Variants in MLXIP observed in about 807,000 individuals in gnomAD.
The protein encoded by MLXIP is MLX interacting protein.
Under a neutral mutation model 87.2 loss-of-function variants are expected in MLXIP, and 30 were observed. The observed-to-expected ratio is 0.34, with a 90% CI of 0.26 to 0.47. MLXIP has a LOEUF of 0.47. Among genes scored for constraint, MLXIP ranks in the 20% least tolerant of loss-of-function variants. MLXIP has a pLI of 1.00. For synonymous variants in MLXIP, 530 were observed against 514.0 expected (o/e 1.03, Z -0.42); for missense variants, 1,002 against 1,240.1 (o/e 0.81, Z 2.88).
At chr12:122,091,626 G>A (rs1226484713) in intron 1 of MLXIP, among the ~76,000 whole-genome samples, 2 of 152,204 alleles carry the variant, frequency 1.3e-5, no homozygotes, top group Non-Finnish European at 2.9e-5. Context: ...CAGGAAATAG[G>A]ATATCTGTAA....
At chr12:122,091,761 C>T (rs148525445) in intron 1 of MLXIP, among the ~76,000 whole-genome samples, 73 of 152,198 alleles carry the variant, frequency 4.8e-4, no homozygotes, top group African/African-American at 1.3e-3. Flanking sequence ...CAATGACAGG[C>T]GGTAGGGAGT....
At chr12:122,134,981 C>T (rs998944150) in intron 9 of MLXIP, 35 of 469,220 alleles carry the variant, frequency 7.5e-5, no homozygotes, top group Non-Finnish European at 3.2e-5. Context: ...GCCTCTCTAT[C>T]TTTTTTTTAA....
chr12:122,089,182 A>G (rs1313992718), intron 1 of MLXIP, among the ~76,000 whole-genome samples: 1 of 152,080 alleles, frequency 6.6e-6, no homozygotes, highest in East Asian at 1.9e-4. Flanking sequence ...CCTGTCTCAA[A>G]CAAGCAAACA....
chr12:122,093,275 C>T (rs1378520263), intron 1 of MLXIP, among the ~76,000 whole-genome samples: 1 of 117,410 alleles, frequency 8.5e-6, no homozygotes, highest in Admixed American at 9.0e-5. Flanking sequence ...GTGGGGTGTG[C>T]ATTTGTGCTG....
intron 1 of MLXIP, among the ~76,000 whole-genome samples, chr12:122,085,538 G>C (rs1565955428): frequency 1.3e-5 from 2 of 152,082 alleles, no homozygotes; most frequent in Non-Finnish European, 2.9e-5. Context: ...TGAGTAGCTG[G>C]GATTACAGGC....
Position 122,135,168 on chromosome 12 carries a change from G to T in MLXIP, c.1733-56G>T. 6.3e-7 allele frequency: 1 copy of T among 1,597,716 alleles called. No individual in the cohort carries two copies. Among genetic ancestry groups the T allele is most frequent in the Non-Finnish European group, 8.5e-7 (1 of 1,172,734 alleles). On this transcript the variant is annotated intron_variant, in intron 9 of 16. Coordinates refer to ENST00000319080, the MANE Select transcript of MLXIP (RefSeq NM_014938.6). This position sits in a 1 kb window ranked among gnomAD's most constrained non-coding sequence, Gnocchi z 5.3. ...CTGGCAGAGAGGCAGCCTCTGCAGG[G>T]TGGGCCAGGCCCTGTGGCCCAGGGC...
rs374619119 is a variant in MLXIP at position 122,129,958 on chromosome 12, T to C, written c.756T>C (p.Tyr252=). ...SSLVQDDDML[Y]WHKHGDGWKT... is the part of the protein sequence containing the mutation. ...TGTGTTAGGACGATGACATGCTGTA[T>C]TGGCACAAGCACGGGGATGGATGGA... The change falls in exon 6 of 17, where the codon TAT becomes TAC. Residue 252 remains tyrosine, a synonymous_variant. Coordinates refer to ENST00000319080, the MANE Select transcript of MLXIP (RefSeq NM_014938.6). 10 of 1,613,514 alleles carry C rather than the reference T, an allele frequency of 6.2e-6. No individual in the cohort carries two copies. Among genetic ancestry groups the C allele is most frequent in the African/African-American group, 2.7e-5 (2 of 75,030 alleles).
In MLXIP at chr12:122,145,050, G is replaced by A. The variant is rs1953276058; in HGVS notation, c.*3238G>A. The A allele has an allele frequency of 6.6e-6, 1 of 152,332 alleles. No individual in the cohort carries two copies. The highest frequency in any genetic ancestry group is 1.5e-5 in the Non-Finnish European group (1 of 68,106). The allele number at this position is 152,332 out of a possible 1,614,324, so 9.4% of individuals were successfully genotyped here. ...GGTGGGAGACCCCAGAGCGGGGCAG[G>A]CGCCACTGAGGGCTTTTCTTGGAGT... On this transcript the variant is annotated 3_prime_UTR_variant, in exon 17 of 17. Transcript: ENST00000319080.
rs1953301364 is a variant in MLXIP at position 122,146,411 on chromosome 12, T to A, written c.*4599T>A. On this transcript the variant is annotated 3_prime_UTR_variant, in exon 17 of 17. Coordinates refer to ENST00000319080, the MANE Select transcript of MLXIP (RefSeq NM_014938.6). Reference sequence around the variant, plus strand: ...AGCTTGGCAAGGGCTCCAGGAACGCTGACGAAGGGTTTTAGGACCCCCACC... The same window carrying A: ...AGCTTGGCAAGGGCTCCAGGAACGCAGACGAAGGGTTTTAGGACCCCCACC... 6.6e-6 allele frequency: 1 copy of A among 152,388 alleles called. No homozygotes were observed. Among genetic ancestry groups the A allele is most frequent in the Non-Finnish European group, 1.5e-5 (1 of 68,242 alleles). The allele number at this position is 152,388 out of a possible 1,614,324, so 9.4% of individuals were successfully genotyped here.
intron 7 of MLXIP, among the ~76,000 whole-genome samples, chr12:122,131,979 A>G (rs919043360): frequency 8.0e-6 from 1 of 125,758 alleles, no homozygotes; most frequent in Admixed American, 1.1e-4. Context: ...GCTGGAGTGC[A>G]GTGGTGCGAT....
intron 1 of MLXIP, among the ~76,000 whole-genome samples, chr12:122,102,341 T>C (rs1001977517): frequency 2.0e-5 from 3 of 152,140 alleles, no homozygotes; most frequent in Non-Finnish European, 4.4e-5. Context: ...TGAAAAGATG[T>C]TTAATACCAT....
chr12:122,091,088 G>A (rs1952239401), intron 1 of MLXIP, among the ~76,000 whole-genome samples: 1 of 152,028 alleles, frequency 6.6e-6, no homozygotes, highest in African/African-American at 2.4e-5. Context: ...ACTTTTAAAG[G>A]GTCACTTTGA....
At position 122,130,980 on chromosome 12, in the gene MLXIP, G is replaced by A. The variant is rs746145643; in HGVS notation, c.1000+47G>A. ...AGCACGGTTGCCTCCATCTCCCCCAGCCCAGCACAGAGCAGATCGCTGCCT... is the reference window on the plus strand; with the variant it reads ...AGCACGGTTGCCTCCATCTCCCCCAACCCAGCACAGAGCAGATCGCTGCCT... On this transcript the variant is annotated intron_variant, in intron 7 of 16. Coordinates refer to ENST00000319080, the MANE Select transcript of MLXIP (RefSeq NM_014938.6). The A allele has an allele frequency of 2.4e-6, 3 of 1,249,440 alleles. No individual in the cohort carries two copies. In the East Asian group the frequency reaches 7.0e-5, roughly 29 times the overall value. The allele number at this position is 1,249,440 out of a possible 1,614,324, so 77.4% of individuals were successfully genotyped here.
At chr12:122,129,413 T>C (rs1423718773) in intron 4 of MLXIP, 175 bp from the exon 5 acceptor site, 1 of 393,532 alleles carries the variant, frequency 2.5e-6, no homozygotes, top group East Asian at 1.6e-4. Flanking sequence ...AGGTTGTCTT[T>C]GCTCTCAGTT....
chr12:122,131,970 CTGG>C (rs1952989067), intron 7 of MLXIP, among the ~76,000 whole-genome samples: 1 of 126,282 alleles, frequency 7.9e-6, no homozygotes, highest in Non-Finnish European at 1.6e-5. Context: ...TGTCATCAGG[CTGG>C]AGTGCAGTGG....
At chr12:122,117,414 G>C (rs1214678496) in intron 1 of MLXIP, among the ~76,000 whole-genome samples, 2 of 152,178 alleles carry the variant, frequency 1.3e-5, no homozygotes, top group Admixed American at 1.3e-4. Context: ...TGTTAGCTTT[G>C]GCTGCTGGCA....
Position 122,079,043 on chromosome 12 carries a change from G to C in MLXIP, c.190G>C (p.Gly64Arg). The C allele has an allele frequency of 2.0e-6, 3 of 1,476,030 alleles. No homozygotes were observed. Among genetic ancestry groups the C allele is most frequent in the East Asian group, 5.9e-5 (2 of 34,014 alleles). The allele number at this position is 1,476,030 out of a possible 1,614,324, so 91.4% of individuals were successfully genotyped here. ...ASAAPPPPRAGPGREEPPRRQ... is the reference protein window; with the variant it reads ...ASAAPPPPRARPGREEPPRRQ... The stretch of plus-strand genomic sequence containing the variant: ...CGCCGCGCCACCGCCGCCTCGGGCC[G>C]GGCCGGGCCGCGAGGAACCTCCGCG... Residue 64 changes from glycine to arginine, a missense_variant, in exon 1 of 17, where the codon GGG (glycine) becomes CGG (arginine). By Grantham distance (125) the Gly-to-Arg change is moderately radical. Around this residue, in one of 3 missense-constraint regions of MLXIP, gnomAD observed 129 missense variants for 104.2 expected, o/e 1.24. Coordinates refer to ENST00000319080, the MANE Select transcript of MLXIP (RefSeq NM_014938.6).
chr12:122,133,466 G>T lies in MLXIP; in HGVS notation c.1211G>T (p.Arg404Leu). ...MDEQGCEHTSRTEDPFIQPTD... is the reference protein window; with the variant it reads ...MDEQGCEHTSLTEDPFIQPTD... ...GAGCAGGGCTGTGAACACACCTCCC[G>T]GACTGAGGACCCGTTTATCCAGCCC... Residue 404 changes from arginine to leucine, a missense_variant, in exon 9 of 17, where the codon CGG (arginine) becomes CTG (leucine). Arg to Leu is a moderately radical substitution (Grantham distance 102). This residue lies in a region of MLXIP where 746 missense variants were observed against 897.0 expected (regional missense o/e 0.83). Transcript: ENST00000319080. The surrounding 1 kb of genome is among the most constrained non-coding windows in gnomAD (Gnocchi z 4.9). 6.2e-7 allele frequency: 1 copy of T among 1,612,920 alleles called. No individual in the cohort carries two copies.
At position 122,130,860 on chromosome 12, in the gene MLXIP, A is replaced by G; in HGVS notation, c.927A>G (p.Ala309=). ...TTCTTGCAGCACATCTGGGAAATGC[A>G]GACATGATCCAGCCGGGACTGATTC... is the stretch of plus-strand genomic sequence containing the variant. The part of the protein sequence containing the change: ...NPREIAHLGN[A]DMIQPGLIPL... Residue 309 remains alanine, a synonymous_variant, in exon 7 of 17, where the codon GCA becomes GCG. Coordinates refer to ENST00000319080, the MANE Select transcript of MLXIP (RefSeq NM_014938.6). The G allele has an allele frequency of 6.2e-7, 1 of 1,613,276 alleles. No homozygotes were observed.
Sources: allele counts gnomAD v4.1 joint callset (sites outside exome capture counted in the v4.1 genomes callset), GRCh38; gene constraint gnomAD v4.1.1; regional missense constraint gnomAD v4.1.1; non-coding constraint Gnocchi (gnomAD v3.1); transcripts MANE v1.5; gene names NCBI Gene and HGNC (gene_info 2026-07-23, HGNC 2026-07-21).